The following IFNGR2 variants were observed in gnomAD, a reference collection of about 807,000 sequenced individuals.
IFNGR2 encodes IFN-gamma receptor 2.
Under a neutral mutation model 41.1 loss-of-function variants are expected in IFNGR2, and 15 were observed. The ratio of observed to expected loss-of-function variants is 0.37; its 90% CI spans 0.24 to 0.56. IFNGR2 has a LOEUF of 0.56. IFNGR2 is among the 20% of genes least tolerant of loss of function. The probability of loss-of-function intolerance (pLI) is 0.81; values close to 1 mark genes in which losing one functional copy is unlikely to be tolerated. For missense variants in IFNGR2, 362 were observed against 415.7 expected (o/e 0.87, Z 1.12); for synonymous variants, 161 against 171.6 (o/e 0.94, Z 0.48).
rs891549103 is a variant in IFNGR2 at position 33,436,010 on chromosome 21, G to A, written c.880-818G>A. On this transcript the variant is annotated intron_variant, in intron 6 of 6. Coordinates refer to ENST00000290219, the MANE Select transcript of IFNGR2 (RefSeq NM_005534.4). ...CAGGAGGCGGAAGTTGCAGTGAGCC[G>A]AGATCGCGCCACTGCACTCCAGCCT... Among the ~76,000 whole-genome samples the A allele has an allele frequency of 1.2e-4, 18 of 151,940 alleles. No individual in the cohort carries two copies. In the East Asian group the frequency reaches 1.4e-3, roughly 11 times the overall value.
intron 3 of IFNGR2, among the ~76,000 whole-genome samples, chr21:33,426,670 A>G (rs1294584083): frequency 6.6e-6 from 1 of 151,982 alleles, no homozygotes; most frequent in Non-Finnish European, 1.5e-5. Context: ...CAGTGAGCCG[A>G]GATCGCACAA....
At chr21:33,415,986 G>T (rs573711500) in intron 2 of IFNGR2, among the ~76,000 whole-genome samples, 51 of 152,296 alleles carry the variant, frequency 3.3e-4, no homozygotes, top group African/African-American at 1.2e-3. Flanking sequence ...CTCCTGAGTA[G>T]CTGGGACTAC....
chr21:33,412,328 C>T lies in IFNGR2; in HGVS notation c.74-2560C>T, dbSNP rs145199160. ...TGTAACAGGAAGGTCGGAGATAATC[C>T]GACCAGACCAACTCAAAGTGTTTGA... On this transcript the variant is annotated intron_variant, in intron 1 of 6. Transcript: ENST00000290219. Among the ~76,000 whole-genome samples, 364 of 152,204 alleles carry T rather than the reference C, an allele frequency of 2.4e-3. 2 individuals are homozygous for T. Among genetic ancestry groups the T allele is most frequent in the African/African-American group, 8.4e-3 (349 of 41,510 alleles).
chr21:33,412,070 C>T (rs865905351), intron 1 of IFNGR2, among the ~76,000 whole-genome samples: 10 of 151,932 alleles, frequency 6.6e-5, no homozygotes, highest in Non-Finnish European at 1.2e-4. Context: ...ACTACAGGTG[C>T]GCACCACCAC....
chr21:33,416,610 G>A (rs2083755080), intron 2 of IFNGR2, among the ~76,000 whole-genome samples: 1 of 152,020 alleles, frequency 6.6e-6, no homozygotes, highest in African/African-American at 2.4e-5. Context: ...ATCACGCGGT[G>A]AGGAGATCGA....
intron 3 of IFNGR2, among the ~76,000 whole-genome samples, chr21:33,424,978 C>T (rs751947063): frequency 2.6e-5 from 4 of 152,098 alleles, no homozygotes; most frequent in Non-Finnish European, 5.9e-5. Context: ...GGCCCGATCT[C>T]GGCTCACTGC....
chr21:33,433,105 C>T (rs1197468262), intron 6 of IFNGR2, among the ~76,000 whole-genome samples: 6 of 152,138 alleles, frequency 3.9e-5, no homozygotes, highest in Non-Finnish European at 8.8e-5. Context: ...AGACTGGTCT[C>T]AAACTCCTGA....
Position 33,437,085 on chromosome 21 carries a change from C to G in IFNGR2, c.*123C>G. The G allele has an allele frequency of 1.1e-6, 1 of 944,480 alleles. No homozygotes were observed. Among genetic ancestry groups the G allele is most frequent in the Non-Finnish European group, 1.7e-6 (1 of 598,170 alleles). The allele number at this position is 944,480 out of a possible 1,614,324, so 58.5% of individuals were successfully genotyped here. A position where few individuals can be genotyped will look rare whatever the true frequency, so the allele number is the denominator to read the frequency against. On this transcript the variant is annotated 3_prime_UTR_variant, in exon 7 of 7. Coordinates refer to ENST00000290219, the MANE Select transcript of IFNGR2 (RefSeq NM_005534.4). Reference sequence around the variant, plus strand: ...TTTGCTGCCTCTAAAAGGCCTGTCCCTGCAGACATGAGAGACAGCAGGTCT... The same window carrying G: ...TTTGCTGCCTCTAAAAGGCCTGTCCGTGCAGACATGAGAGACAGCAGGTCT...
chr21:33,436,543 T>C (rs2083953071), intron 6 of IFNGR2, among the ~76,000 whole-genome samples: 1 of 151,856 alleles, frequency 6.6e-6, no homozygotes. Context: ...GCCAACATAG[T>C]GAAACCCTGT....
rs2083965088 is a variant in IFNGR2, at chr21:33,437,229, G to T, written c.*267G>T. 2.3e-6 allele frequency: 1 copy of T among 426,626 alleles called. No homozygotes were observed. Among genetic ancestry groups the T allele is most frequent in the African/African-American group, 2.0e-5 (1 of 49,666 alleles). The allele number at this position is 426,626 out of a possible 1,614,324, so 26.4% of individuals were successfully genotyped here. A position where few individuals can be genotyped will look rare whatever the true frequency, so the allele number is the denominator to read the frequency against. Reference sequence around the variant, plus strand: ...CTTCTCTTAAACACTAAAAAGGCATGTAATTGCTTGTTAGCAAAATGGATA... The same window carrying T: ...CTTCTCTTAAACACTAAAAAGGCATTTAATTGCTTGTTAGCAAAATGGATA... On this transcript the variant is annotated 3_prime_UTR_variant, in exon 7 of 7. Transcript: ENST00000290219.
At chr21:33,416,691 G>A (rs1484908625) in intron 2 of IFNGR2, among the ~76,000 whole-genome samples, 4 of 151,576 alleles carry the variant, frequency 2.6e-5, no homozygotes, top group Non-Finnish European at 5.9e-5. Context: ...GTGTAGTGGC[G>A]GGCGCCTGTA....
intron 3 of IFNGR2, among the ~76,000 whole-genome samples, chr21:33,423,914 G>A (rs1011378111): frequency 1.3e-5 from 2 of 151,396 alleles, no homozygotes; most frequent in Admixed American, 6.6e-5. Flanking sequence ...CCAGCTCCTC[G>A]TCTGCTGTGG....
At position 33,427,634 on chromosome 21, in the gene IFNGR2, G is replaced by A. The variant is rs540416419; in HGVS notation, c.561+602G>A. Among the ~76,000 whole-genome samples, 57 of 152,210 alleles carry A rather than the reference G, an allele frequency of 3.7e-4. No homozygotes were observed. The Middle Eastern group carries it at 0.017, about 45-fold the overall frequency. On this transcript the variant is annotated intron_variant, in intron 4 of 6. Transcript: ENST00000290219. ...TCAGAGCGGCCTGGTCAGCCTCGGGGAGTATAGGAAAAAGCATCATGGTCT... is the reference window on the plus strand; with the variant it reads ...TCAGAGCGGCCTGGTCAGCCTCGGGAAGTATAGGAAAAAGCATCATGGTCT...
intron 4 of IFNGR2, 22 bp from the exon 5 acceptor site, chr21:33,432,155 G>A: frequency 6.2e-7 from 1 of 1,611,114 alleles, no homozygotes; most frequent in Non-Finnish European, 8.5e-7. Context: ...TTACATGTGT[G>A]CTTGTGATGT....
chr21:33,403,869 A>C (rs2083658992), intron 1 of IFNGR2, among the ~76,000 whole-genome samples: 1 of 151,968 alleles, frequency 6.6e-6, no homozygotes, highest in South Asian at 2.1e-4. Flanking sequence ...CGGGGCTGGG[A>C]TGGGCGGCCA....
chr21:33,427,571 G>A (rs1405408884), intron 4 of IFNGR2, among the ~76,000 whole-genome samples: 1 of 152,178 alleles, frequency 6.6e-6, no homozygotes, highest in African/African-American at 2.4e-5. Context: ...TCCACAAGGG[G>A]CTGTGGCAGG....
At chr21:33,406,302 G>T (rs1334126178) in intron 1 of IFNGR2, among the ~76,000 whole-genome samples, 1 of 151,922 alleles carries the variant, frequency 6.6e-6, no homozygotes, top group East Asian at 1.9e-4. Context: ...CTTGAACCTG[G>T]GAGGGGAGGT....
intron 6 of IFNGR2, 92 bp from the exon 7 acceptor site, chr21:33,436,736 T>TAA (rs5843604): frequency 4.1e-4 from 415 of 1,021,904 alleles, no homozygotes; most frequent in African/African-American, 5.1e-4. Context: ...AAAATAAAAA[T>TAA]AAAAATAAAA....
intron 3 of IFNGR2, among the ~76,000 whole-genome samples, chr21:33,421,901 C>G (rs1025459104): frequency 2.6e-5 from 4 of 152,178 alleles, no homozygotes; most frequent in African/African-American, 9.6e-5. Context: ...CAGGCCAAAT[C>G]GGGCCCACCA....
Sources: gnomAD v4.1 joint callset for allele counts (sites outside exome capture counted in the v4.1 genomes callset) on GRCh38, gnomAD v4.1.1 for gene constraint, MANE v1.5 for transcripts, NCBI Gene and HGNC (gene_info 2026-07-23, HGNC 2026-07-21) for gene names.